Variants in HNRNPC observed in about 807,000 individuals in gnomAD.
The protein encoded by HNRNPC is heterogeneous nuclear ribonucleoproteins C1/C2.
HNRNPC carries 3 observed loss-of-function variants against 33.2 expected under a neutral mutation model. The observed-to-expected ratio is 0.09, with a 90% CI of 0.04 to 0.23. HNRNPC has a LOEUF of 0.23. Among genes scored for constraint, HNRNPC ranks in the 10% least tolerant of loss-of-function variants. The pLI is 1.00. For synonymous variants in HNRNPC, 121 were observed against 126.7 expected (o/e 0.96, Z 0.30); for missense variants, 143 against 366.7 (o/e 0.39, Z 4.98).
At chr14:21,239,624 A>C (rs1895124892) in intron 2 of HNRNPC, among the ~76,000 whole-genome samples, 1 of 152,046 alleles carries the variant, frequency 6.6e-6, no homozygotes, top group Admixed American at 6.5e-5. Context: ...CTGTAATCCC[A>C]GCACTTTGGG....
At chr14:21,246,638 T>C (rs1304599325) in intron 2 of HNRNPC, among the ~76,000 whole-genome samples, 3 of 151,668 alleles carry the variant, frequency 2.0e-5, no homozygotes, top group African/African-American at 7.3e-5. Context: ...GTACTCCAAA[T>C]TTTGAGTTCC....
chr14:21,214,841 T>C (rs1300925173), intron 5 of HNRNPC, among the ~76,000 whole-genome samples: 1 of 152,146 alleles, frequency 6.6e-6, no homozygotes, highest in African/African-American at 2.4e-5. Context: ...ACAAATTGCT[T>C]AACGACAATT....
intron 2 of HNRNPC, among the ~76,000 whole-genome samples, chr14:21,237,219 G>A (rs748132056): frequency 2.8e-4 from 43 of 152,078 alleles, no homozygotes; most frequent in Non-Finnish European, 5.3e-4. Context: ...TCACCAAAAG[G>A]TAACAACCAT....
At chr14:21,222,737 C>A (rs1329064915) in intron 5 of HNRNPC, among the ~76,000 whole-genome samples, 22 of 151,654 alleles carry the variant, frequency 1.5e-4, no homozygotes, top group African/African-American at 5.1e-4. Context: ...CTAAAAATAA[C>A]AAAAAAATTA....
intron 6 of HNRNPC, 130 bp downstream of exon 6, chr14:21,212,830 A>T: frequency 8.3e-7 from 1 of 1,200,894 alleles, no homozygotes; most frequent in Non-Finnish European, 1.2e-6. Context: ...GGCATGAGCC[A>T]CCACACACCC....
At chr14:21,211,703 A>C in intron 7 of HNRNPC, 107 bp downstream of exon 7, 2 of 1,412,360 alleles carry the variant, frequency 1.4e-6, no homozygotes. Context: ...ACACTCCCCA[A>C]GTTTCATATT....
In HNRNPC at chr14:21,211,620, GACAATCCCC is replaced by G. The variant is rs1477157306; in HGVS notation, c.638-63_638-55del. ...GGGGCAGTAATGTCCACAGGACGTA[GACAATCCCC>G]ACTAAGGATCACAGAACTGCAGCAC... is the stretch of plus-strand genomic sequence containing the variant. On this transcript the variant is annotated intron_variant, in intron 7 of 8. Coordinates refer to ENST00000553300, the MANE Select transcript of HNRNPC (RefSeq NM_004500.4). The G allele has an allele frequency of 1.0e-5, 16 of 1,558,818 alleles. No homozygotes were observed. In the Admixed American group the frequency reaches 2.6e-4, roughly 26 times the overall value.
chr14:21,230,228 AC>A, intron 5 of HNRNPC, 90 bp downstream of exon 5: 1 of 857,930 alleles, frequency 1.2e-6, no homozygotes, highest in Non-Finnish European at 1.9e-6. Context: ...ATGTTTGAAA[AC>A]ATCTTTGATG....
In HNRNPC at chr14:21,209,198, G is replaced by A. The variant is rs562833606; in HGVS notation, c.*2025C>T. On this transcript the variant is annotated 3_prime_UTR_variant, in exon 9 of 9. Coordinates refer to ENST00000553300, the MANE Select transcript of HNRNPC (RefSeq NM_004500.4). ...TAGAGATGATTTAAAATATACAGGA[G>A]AATATGCATAGGTTACATATAAATA... is the stretch of plus-strand genomic sequence containing the variant. The A allele has an allele frequency of 6.6e-6, 1 of 152,284 alleles. No individual in the cohort carries two copies. Among genetic ancestry groups the A allele is most frequent in the East Asian group, 1.9e-4 (1 of 5,188 alleles). The allele number at this position is 152,284 out of a possible 1,614,324, so 9.4% of individuals were successfully genotyped here.
intron 5 of HNRNPC, 30 bp downstream of exon 5, chr14:21,230,289 T>C: frequency 1.3e-6 from 2 of 1,522,192 alleles, no homozygotes; most frequent in Non-Finnish European, 1.8e-6. Context: ...AAATAGCTGT[T>C]TAGCAGAAAT....
At chr14:21,229,162 G>T (rs1008652085) in intron 5 of HNRNPC, among the ~76,000 whole-genome samples, 1 of 151,324 alleles carries the variant, frequency 6.6e-6, no homozygotes, top group Non-Finnish European at 1.5e-5. Flanking sequence ...AGGCCAAGAC[G>T]GACGGATCAT....
At chr14:21,256,814 G>A (rs552181049) in intron 2 of HNRNPC, among the ~76,000 whole-genome samples, 1 of 152,048 alleles carries the variant, frequency 6.6e-6, no homozygotes, top group South Asian at 2.1e-4. Context: ...CACCACTCCT[G>A]GCTAATTTTT....
chr14:21,217,656 A>C lies in HNRNPC; in HGVS notation c.366-4539T>G, dbSNP rs151044044. Among the ~76,000 whole-genome samples the C allele has an allele frequency of 9.8e-5, 15 of 152,350 alleles. 1 individual carries two copies. In the East Asian group the frequency reaches 2.9e-3, roughly 29 times the overall value. On this transcript the variant is annotated intron_variant, in intron 5 of 8. Transcript: ENST00000553300. ...CTCCTATACTGAGCCAATGGCATCA[A>C]TCAATAATTGGTTCTGTAATATTCT...
chr14:21,212,243 C>T (rs1169799990), intron 6 of HNRNPC, among the ~76,000 whole-genome samples: 2 of 152,138 alleles, frequency 1.3e-5, no homozygotes, highest in African/African-American at 4.8e-5. Context: ...CCTAGATCCC[C>T]AGGGTCTTAG....
chr14:21,245,572 C>CG (rs1314115535), intron 2 of HNRNPC, among the ~76,000 whole-genome samples: 2 of 152,062 alleles, frequency 1.3e-5, no homozygotes, highest in African/African-American at 2.4e-5. Context: ...TAGGACTGAA[C>CG]GTTGCTTTTG....
intron 5 of HNRNPC, among the ~76,000 whole-genome samples, chr14:21,226,997 T>TA (rs1314856257): frequency 1.3e-5 from 2 of 151,482 alleles, no homozygotes; most frequent in African/African-American, 4.9e-5. Context: ...CAATTTAACA[T>TA]AGTCAATGAA....
intron 5 of HNRNPC, among the ~76,000 whole-genome samples, chr14:21,228,461 A>G (rs978801592): frequency 2.0e-5 from 3 of 152,068 alleles, no homozygotes; most frequent in African/African-American, 7.2e-5. Flanking sequence ...GCGCGATCTC[A>G]ACTCACTGAA....
At chr14:21,211,656 A>AAT (rs1235035465) in intron 7 of HNRNPC, 90 bp from the exon 8 acceptor site, 1 of 1,476,606 alleles carries the variant, frequency 6.8e-7, no homozygotes. Flanking sequence ...CTGCAGCACA[A>AAT]ATCTAAATCC....
intron 2 of HNRNPC, among the ~76,000 whole-genome samples, chr14:21,237,898 A>G (rs1310351542): frequency 6.6e-6 from 1 of 152,104 alleles, no homozygotes; most frequent in Non-Finnish European, 1.5e-5. Context: ...CAGCCTCCCC[A>G]GTAGCTGGGA....
Sources: allele counts gnomAD v4.1 joint callset (sites outside exome capture counted in the v4.1 genomes callset), GRCh38; gene constraint gnomAD v4.1.1; transcripts MANE v1.5; gene names NCBI Gene and HGNC (gene_info 2026-07-23, HGNC 2026-07-21).